The following SORCS2 variants were observed in gnomAD, a reference collection of about 807,000 sequenced individuals.
The protein encoded by SORCS2 is sortilin related VPS10 domain containing receptor 2.
A neutral mutation model predicts 141.6 loss-of-function variants in SORCS2; 100 were observed. The observed-to-expected ratio is 0.71, with a 90% CI of 0.60 to 0.83. The LOEUF (loss-of-function observed/expected upper bound fraction) is 0.83, where lower values mean the gene tolerates loss of function less well. SORCS2 is among the 40% of genes least tolerant of loss of function. The pLI, the probability that SORCS2 is intolerant of heterozygous loss-of-function variation, is 0.00. For synonymous variants in SORCS2, 789 were observed against 676.9 expected (o/e 1.17, Z -2.57); for missense variants, 1,646 against 1,560.2 (o/e 1.05, Z -0.93).
chr4:7,309,869 C>T (rs1718074832), intron 1 of SORCS2, among the ~76,000 whole-genome samples: 1 of 152,186 alleles, frequency 6.6e-6, no homozygotes, highest in African/African-American at 2.4e-5. Context: ...TGGTAGGTGG[C>T]AGCTGGATGT....
At chr4:7,605,474 G>T (rs1250747063) in intron 3 of SORCS2, among the ~76,000 whole-genome samples, 2 of 152,120 alleles carry the variant, frequency 1.3e-5, no homozygotes. Context: ...ACTGGCCCAG[G>T]GCTAGCTCAG....
intron 8 of SORCS2, among the ~76,000 whole-genome samples, chr4:7,672,079 G>C (rs989685598): frequency 6.6e-6 from 1 of 151,812 alleles, no homozygotes; most frequent in Non-Finnish European, 1.5e-5. Flanking sequence ...GAGTAGTTGG[G>C]ATTACAGGTG....
intron 2 of SORCS2, among the ~76,000 whole-genome samples, chr4:7,446,692 C>T (rs1728023675): frequency 3.3e-5 from 5 of 152,140 alleles, no homozygotes; most frequent in Admixed American, 3.3e-4. Context: ...CCTTTGAGCC[C>T]CTGTTCCTGG....
chr4:7,733,080 C>A (rs1212080539), intron 23 of SORCS2, among the ~76,000 whole-genome samples: 1 of 150,370 alleles, frequency 6.7e-6, no homozygotes, highest in Non-Finnish European at 1.5e-5. Context: ...GCTCCCCTCC[C>A]CCCTAGTGGA....
At chr4:7,313,943 C>G (rs1435583363) in intron 1 of SORCS2, among the ~76,000 whole-genome samples, 1 of 152,188 alleles carries the variant, frequency 6.6e-6, no homozygotes, top group Non-Finnish European at 1.5e-5. Context: ...TGCTGCAGAC[C>G]CCAGAGCCCA....
intron 2 of SORCS2, among the ~76,000 whole-genome samples, chr4:7,490,031 C>T (rs1030159736): frequency 1.3e-5 from 2 of 152,154 alleles, no homozygotes; most frequent in Non-Finnish European, 2.9e-5. Flanking sequence ...CTCCAGACAA[C>T]AGGAGGAGTC....
At position 7,727,805 on chromosome 4, in the gene SORCS2, C is replaced by T. The variant is rs139448325; in HGVS notation, c.2870-545C>T. On this transcript the variant is annotated intron_variant, in intron 21 of 26. Transcript: ENST00000507866. Reference sequence around the variant, plus strand: ...AGAGGTTAAAGTTTATCTCTGGAGCCCCTGGTGACTTTAGAATTGGGCTTT... The same window carrying T: ...AGAGGTTAAAGTTTATCTCTGGAGCTCCTGGTGACTTTAGAATTGGGCTTT... Among the ~76,000 whole-genome samples the T allele has an allele frequency of 1.3e-3, 197 of 152,280 alleles. 1 individual carries two copies. The highest frequency in any genetic ancestry group is 4.4e-3 in the African/African-American group (183 of 41,550).
chr4:7,215,556 C>T lies in SORCS2; in HGVS notation c.480+22430C>T, dbSNP rs566400157. 5.8e-4 allele frequency among the ~76,000 whole-genome samples: 88 copies of T among 152,356 alleles called. 1 individual carries two copies. The highest frequency in any genetic ancestry group is 1.9e-3 in the African/African-American group (80 of 41,586). On this transcript the variant is annotated intron_variant, in intron 1 of 26. Transcript: ENST00000507866. ...TGGCAGGCAGCTCCACCTGCAGCCC[C>T]GGTGCGGGATCCACTGGGTGAAGCC...
intron 26 of SORCS2, among the ~76,000 whole-genome samples, chr4:7,739,627 A>G (rs1577144045): frequency 6.6e-6 from 1 of 152,088 alleles, no homozygotes. Context: ...GGACTCAGGC[A>G]AGGACTCAGG....
intron 18 of SORCS2, among the ~76,000 whole-genome samples, chr4:7,718,429 TCC>T (rs1187767706): frequency 6.6e-6 from 1 of 151,518 alleles, no homozygotes; most frequent in African/African-American, 2.4e-5. Flanking sequence ...GGTATTAGGG[TCC>T]CCGCAGAGCA....
At chr4:7,254,749 C>T (rs971082876) in intron 1 of SORCS2, among the ~76,000 whole-genome samples, 2 of 152,128 alleles carry the variant, frequency 1.3e-5, no homozygotes, top group Non-Finnish European at 2.9e-5. Context: ...GGGCTTGGGC[C>T]GGTGACTGGG....
intron 1 of SORCS2, among the ~76,000 whole-genome samples, chr4:7,288,796 G>T (rs1453199946): frequency 1.6e-5 from 2 of 125,960 alleles, no homozygotes; most frequent in East Asian, 2.4e-4. Context: ...TGGGGTGGGG[G>T]GGGGAGTTGG....
rs552003521 is a variant in SORCS2, at chr4:7,444,647, G to C, written c.548+48292G>C. 4.3e-3 allele frequency among the ~76,000 whole-genome samples: 657 copies of C among 152,290 alleles called. 4 individuals are homozygous for C. Among genetic ancestry groups the C allele is most frequent in the Non-Finnish European group, 5.4e-3 (367 of 68,034 alleles). On this transcript the variant is annotated intron_variant, in intron 2 of 26. Coordinates refer to ENST00000507866, the MANE Select transcript of SORCS2 (RefSeq NM_020777.3). ...TGAGGGTAGTGGGGAGCCATAGCAG[G>C]GTTTTGAGCAGAGGGCTGACATGAT...
chr4:7,639,728 T>C (rs1175253299), intron 4 of SORCS2, among the ~76,000 whole-genome samples: 1 of 150,542 alleles, frequency 6.6e-6, no homozygotes, highest in Non-Finnish European at 1.5e-5. Flanking sequence ...TGTGAGTGGG[T>C]GTGGGTGTGA....
At chr4:7,513,555 C>T (rs1732793391) in intron 2 of SORCS2, among the ~76,000 whole-genome samples, 1 of 152,190 alleles carries the variant, frequency 6.6e-6, no homozygotes. Context: ...CCAACAGAGA[C>T]CCACTCGGTA....
chr4:7,724,411 TGGGAATG>T (rs1404194928), intron 19 of SORCS2, among the ~76,000 whole-genome samples: 1 of 130,388 alleles, frequency 7.7e-6, no homozygotes, highest in Non-Finnish European at 1.6e-5. Context: ...ATAGTAGTGG[TGGGAATG>T]GATGGTGGTG....
intron 1 of SORCS2, among the ~76,000 whole-genome samples, chr4:7,283,549 G>T (rs1206323401): frequency 6.6e-6 from 1 of 152,188 alleles, no homozygotes; most frequent in African/African-American, 2.4e-5. Context: ...TTCACTCCAG[G>T]AACAGTGTTC....
chr4:7,740,530 C>T lies in SORCS2; in HGVS notation c.*266C>T, dbSNP rs1423639462. 5 of 526,710 alleles carry T rather than the reference C, an allele frequency of 9.5e-6. No homozygotes were observed. The highest frequency in any genetic ancestry group is 1.7e-5 in the Non-Finnish European group (5 of 289,632). The allele number at this position is 526,710 out of a possible 1,614,324, so 32.6% of individuals were successfully genotyped here. A position where few individuals can be genotyped will look rare whatever the true frequency, so the allele number is the denominator to read the frequency against. On this transcript the variant is annotated 3_prime_UTR_variant, in exon 27 of 27. Coordinates refer to ENST00000507866, the MANE Select transcript of SORCS2 (RefSeq NM_020777.3). Reference sequence around the variant, plus strand: ...CAGGCAGGTTCTGCCCCCCAGACCCCACACACGGCCGCCCCACGTGCTGTC... The same window carrying T: ...CAGGCAGGTTCTGCCCCCCAGACCCTACACACGGCCGCCCCACGTGCTGTC...
At position 7,648,889 on chromosome 4, in the gene SORCS2, C is replaced by G. The variant is rs1056149331; in HGVS notation, c.814-5245C>G. On this transcript the variant is annotated intron_variant, in intron 4 of 26. Transcript: ENST00000507866. The surrounding 1 kb of genome is among the most constrained non-coding windows in gnomAD (Gnocchi z 4.2). ...AGTGGACTGAGTGACACAGGATGTC[C>G]TGGATCTGAGGAGCTAGAGGCCAGA... Among the ~76,000 whole-genome samples the G allele has an allele frequency of 1.3e-5, 2 of 152,132 alleles. No homozygotes were observed. Among genetic ancestry groups the G allele is most frequent in the Admixed American group, 6.5e-5 (1 of 15,284 alleles).
Sources: allele counts gnomAD v4.1 joint callset (sites outside exome capture counted in the v4.1 genomes callset), GRCh38; gene constraint gnomAD v4.1.1; non-coding constraint Gnocchi (gnomAD v3.1); transcripts MANE v1.5; gene names NCBI Gene and HGNC (gene_info 2026-07-23, HGNC 2026-07-21).